CSMD1: variants seen among roughly 807,000 people sequenced by gnomAD.
CSMD1 encodes CUB and Sushi multiple domains 1.
A neutral mutation model predicts 417.5 loss-of-function variants in CSMD1; 213 were observed. That is an observed-to-expected ratio of 0.51 (90% CI 0.46 to 0.57). The LOEUF (loss-of-function observed/expected upper bound fraction) is 0.57, where lower values mean the gene tolerates loss of function less well. CSMD1 is among the 20% of genes least tolerant of loss of function. The pLI is 0.00. For missense variants in CSMD1, 6,923 were observed against 4,529.7 expected (o/e 1.53, Z -15.17); for synonymous variants, 2,862 against 1,736.8 (o/e 1.65, Z -16.11).
intron 1 of CSMD1, among the ~76,000 whole-genome samples, chr8:4,846,235 T>C (rs770890599): frequency 4.6e-5 from 7 of 152,210 alleles, no homozygotes; most frequent in Non-Finnish European, 8.8e-5. Flanking sequence ...GTACAAAAAA[T>C]ATAGCTCTTA....
rs551682853 is a variant in CSMD1 at position 4,725,395 on chromosome 8, C to T, written c.86-87837G>A. 4.6e-5 allele frequency among the ~76,000 whole-genome samples: 7 copies of T among 152,188 alleles called. No individual in the cohort carries two copies. The South Asian group carries it at 1.2e-3, about 27-fold the overall frequency. Reference sequence around the variant, plus strand: ...AGTAATGTTGTTTTGCTTGTGAAAGCGCAATAATATAAACAAAGTAGATTA... The same window carrying T: ...AGTAATGTTGTTTTGCTTGTGAAAGTGCAATAATATAAACAAAGTAGATTA... On this transcript the variant is annotated intron_variant, in intron 1 of 69. Transcript: ENST00000635120.
At chr8:4,808,882 T>C (rs753011530) in intron 1 of CSMD1, among the ~76,000 whole-genome samples, 5 of 152,256 alleles carry the variant, frequency 3.3e-5, no homozygotes, top group Non-Finnish European at 5.9e-5. Flanking sequence ...GGATCCAATA[T>C]TCTTTTTCTA....
chr8:3,389,004 T>C (rs556776769), intron 17 of CSMD1, among the ~76,000 whole-genome samples: 5 of 152,278 alleles, frequency 3.3e-5, no homozygotes, highest in East Asian at 3.9e-4. Context: ...TTATGCATTA[T>C]TGGCTCCAAA....
intron 3 of CSMD1, among the ~76,000 whole-genome samples, chr8:4,125,173 C>A (rs1414600437): frequency 6.6e-6 from 1 of 152,066 alleles, no homozygotes; most frequent in Non-Finnish European, 1.5e-5. Context: ...AGGAAGATAA[C>A]TCTTGGGGCC....
At chr8:4,396,172 A>G (rs1291036316) in intron 3 of CSMD1, among the ~76,000 whole-genome samples, 1 of 152,166 alleles carries the variant, frequency 6.6e-6, no homozygotes, top group African/African-American at 2.4e-5. Context: ...CAAAGCAAGA[A>G]TAACATTTCC....
intron 3 of CSMD1, among the ~76,000 whole-genome samples, chr8:4,364,944 C>A (rs969656326): frequency 6.7e-6 from 1 of 148,620 alleles, no homozygotes; most frequent in East Asian, 2.0e-4. Flanking sequence ...AAGCACCCGA[C>A]AAAAACGTGC....
At chr8:3,124,342 T>C (rs940590240) in intron 41 of CSMD1, among the ~76,000 whole-genome samples, 1 of 152,196 alleles carries the variant, frequency 6.6e-6, no homozygotes, top group African/African-American at 2.4e-5. Flanking sequence ...GTAAGTTGCA[T>C]AAATTATTAT....
In CSMD1 at chr8:4,673,315, A is replaced by G. The variant is rs550801402; in HGVS notation, c.86-35757T>C. On this transcript the variant is annotated intron_variant, in intron 1 of 69. Coordinates refer to ENST00000635120, the MANE Select transcript of CSMD1 (RefSeq NM_033225.6). ...TTAAAACGCATAAAATGCAAGACCCAAAGACTCCAGGGCAAAGTTAGTTTT... is the reference window on the plus strand; with the variant it reads ...TTAAAACGCATAAAATGCAAGACCCGAAGACTCCAGGGCAAAGTTAGTTTT... Among the ~76,000 whole-genome samples, 12 of 152,328 alleles carry G rather than the reference A, an allele frequency of 7.9e-5. No individual in the cohort carries two copies. In the South Asian group the frequency reaches 2.5e-3, roughly 32 times the overall value.
intron 23 of CSMD1, among the ~76,000 whole-genome samples, chr8:3,321,315 G>A (rs957134991): frequency 7.2e-5 from 11 of 152,090 alleles, no homozygotes; most frequent in African/African-American, 2.2e-4. Flanking sequence ...GATGCCCTCT[G>A]CACCAGGGCT....
chr8:3,217,707 A>G (rs1382241701), intron 29 of CSMD1, among the ~76,000 whole-genome samples: 1 of 152,186 alleles, frequency 6.6e-6, no homozygotes, highest in Non-Finnish European at 1.5e-5. Flanking sequence ...TGATTGCTAA[A>G]TTGTATAATT....
At chr8:4,885,295 C>T (rs997702884) in intron 1 of CSMD1, among the ~76,000 whole-genome samples, 1 of 151,826 alleles carries the variant, frequency 6.6e-6, no homozygotes, top group African/African-American at 2.4e-5. Flanking sequence ...AGTTTTCCTT[C>T]TTTTTTTTAT....
rs182093768 is a variant in CSMD1 at position 4,431,084 on chromosome 8, G to A, written c.303-11019C>T. On this transcript the variant is annotated intron_variant, in intron 2 of 69. Coordinates refer to ENST00000635120, the MANE Select transcript of CSMD1 (RefSeq NM_033225.6). The stretch of plus-strand genomic sequence containing the variant: ...ATTTTATTTTCTTCTATGATCATTA[G>A]TGTTAATATATTTAATCTTAAACAG... Among the ~76,000 whole-genome samples, 494 of 152,086 alleles carry A rather than the reference G, an allele frequency of 3.2e-3. 4 individuals carry two copies. The highest frequency in any genetic ancestry group is 0.011 in the African/African-American group (464 of 41,482).
intron 1 of CSMD1, among the ~76,000 whole-genome samples, chr8:4,876,867 T>C (rs1365266674): frequency 6.6e-6 from 1 of 152,080 alleles, no homozygotes. Flanking sequence ...ACATTGTAGG[T>C]AAGAATGAGC....
At chr8:4,220,198 G>C (rs532663248) in intron 3 of CSMD1, among the ~76,000 whole-genome samples, 1 of 152,306 alleles carries the variant, frequency 6.6e-6, no homozygotes, top group South Asian at 2.1e-4. Flanking sequence ...TGATGTGCTC[G>C]CCTTCGCCTC....
chr8:3,330,658 G>A (rs1280482521), intron 23 of CSMD1, among the ~76,000 whole-genome samples: 1 of 152,154 alleles, frequency 6.6e-6, no homozygotes. Context: ...TAGGCTTAGT[G>A]CCTGGGTGAC....
chr8:4,528,771 A>C (rs1796648072), intron 2 of CSMD1, among the ~76,000 whole-genome samples: 1 of 129,006 alleles, frequency 7.8e-6, no homozygotes, highest in South Asian at 2.7e-4. Context: ...TTTTCACATA[A>C]GAGCTCACTT....
rs2117226753 is a variant in CSMD1 at position 3,626,740 on chromosome 8, AC to A, written c.1010-9944del. Among the ~76,000 whole-genome samples the A allele has an allele frequency of 1.3e-5, 2 of 150,888 alleles. 1 individual carries two copies. Among genetic ancestry groups the A allele is most frequent in the Admixed American group, 1.3e-4 (2 of 15,128 alleles). ...ATGTAATTTATGGACATATTTTATT[AC>A]TTTTATATATATTACCTATGTATTC... On this transcript the variant is annotated intron_variant, in intron 7 of 69. Coordinates refer to ENST00000635120, the MANE Select transcript of CSMD1 (RefSeq NM_033225.6).
At chr8:3,539,102 T>G (rs1040076327) in intron 10 of CSMD1, among the ~76,000 whole-genome samples, 3 of 152,150 alleles carry the variant, frequency 2.0e-5, no homozygotes, top group Non-Finnish European at 4.4e-5. Context: ...CCAGTCCCTT[T>G]CCCTGCACCC....
intron 26 of CSMD1, among the ~76,000 whole-genome samples, chr8:3,262,230 T>TATATATATATATACAC (rs770901446): frequency 1.1e-4 from 11 of 95,682 alleles, no homozygotes; most frequent in Non-Finnish European, 1.8e-4. Flanking sequence ...TATATATATA[T>TATATATATATATACAC]ACACACACAT....
Sources: gnomAD v4.1 joint callset for allele counts (sites outside exome capture counted in the v4.1 genomes callset) on GRCh38, gnomAD v4.1.1 for gene constraint, MANE v1.5 for transcripts, NCBI Gene and HGNC (gene_info 2026-07-23, HGNC 2026-07-21) for gene names.